Variants in NLGN1 observed in about 807,000 individuals in gnomAD.
NLGN1 encodes neuroligin-1.
Under a neutral mutation model 65.5 loss-of-function variants are expected in NLGN1, and 12 were observed. The ratio of observed to expected loss-of-function variants is 0.18; its 90% confidence interval spans 0.12 to 0.30. The LOEUF is 0.30. NLGN1 is among the 10% of genes least tolerant of loss of function. NLGN1 has a pLI of 1.00. For missense variants in NLGN1, 750 were observed against 1,007.1 expected (o/e 0.74, Z 3.46); for synonymous variants, 350 against 359.5 (o/e 0.97, Z 0.30).
intron 4 of NLGN1, among the ~76,000 whole-genome samples, chr3:174,182,150 TA>T (rs1730569288): frequency 6.6e-6 from 1 of 152,106 alleles, no homozygotes; most frequent in Admixed American, 6.6e-5. Context: ...TCTTTTTTTC[TA>T]AATATATTTT....
intron 3 of NLGN1, among the ~76,000 whole-genome samples, chr3:173,793,977 C>T (rs894630864): frequency 6.6e-5 from 10 of 152,062 alleles, no homozygotes; most frequent in Admixed American, 2.6e-4. Context: ...GGCTCTTTGT[C>T]CTCATCACCC....
chr3:173,448,178 G>T (rs964847739), intron 2 of NLGN1, among the ~76,000 whole-genome samples: 12 of 152,128 alleles, frequency 7.9e-5, no homozygotes, highest in Non-Finnish European at 1.2e-4. Context: ...TGTCCATTCA[G>T]TATGATATTG....
At chr3:173,507,009 T>G (rs148096814) in intron 2 of NLGN1, among the ~76,000 whole-genome samples, 3,636 of 152,266 alleles carry the variant, frequency 0.024, 56 homozygotes, top group Middle Eastern at 0.048. Flanking sequence ...GTATTCTTTT[T>G]CGTCCTTACT....
At chr3:173,839,967 G>C (rs577216996) in intron 4 of NLGN1, among the ~76,000 whole-genome samples, 1 of 152,332 alleles carries the variant, frequency 6.6e-6, no homozygotes, top group African/African-American at 2.4e-5. Context: ...CATGCGGCTA[G>C]TGTGGTAGAT....
rs1326286305 is a variant in NLGN1 at position 173,520,162 on chromosome 3, AC to A, written c.-320-84116del. 3.3e-5 allele frequency among the ~76,000 whole-genome samples: 5 copies of A among 152,306 alleles called. No homozygotes were observed. The East Asian group carries it at 7.7e-4, about 23-fold the overall frequency. Reference sequence around the variant, plus strand: ...TGAATGTAAGTTTCCTGAAGCCTCCACAGAAGCAGGAGCTGCTATGCTTCCT... The same window carrying A: ...TGAATGTAAGTTTCCTGAAGCCTCCAAGAAGCAGGAGCTGCTATGCTTCCT... On this transcript the variant is annotated intron_variant, in intron 2 of 6. Transcript: ENST00000457714.
At chr3:173,697,997 A>C (rs1766488634) in intron 3 of NLGN1, among the ~76,000 whole-genome samples, 2 of 151,204 alleles carry the variant, frequency 1.3e-5, no homozygotes, top group African/African-American at 2.4e-5. Flanking sequence ...GATGGTAACC[A>C]GTGGCCTAAA....
rs190750306 is a variant in NLGN1 at position 173,549,833 on chromosome 3, T to C, written c.-320-54446T>C. On this transcript the variant is annotated intron_variant, in intron 2 of 6. Coordinates refer to ENST00000457714, the Ensembl canonical transcript of NLGN1. ...TAGGATTTCTTCTACGTACAAGTCA[T>C]CCAACATTGCTCACTCTATTATGGA... Among the ~76,000 whole-genome samples, 89 of 152,206 alleles carry C rather than the reference T, an allele frequency of 5.8e-4. No individual in the cohort carries two copies. The East Asian group carries it at 0.013, about 22-fold the overall frequency.
chr3:173,444,281 CTG>C (rs1156980451), intron 2 of NLGN1, among the ~76,000 whole-genome samples: 1 of 152,126 alleles, frequency 6.6e-6, no homozygotes, highest in Non-Finnish European at 1.5e-5. Flanking sequence ...CGATAGATGT[CTG>C]TGGCTCCATA....
At chr3:174,072,403 G>A (rs1740089718) in intron 4 of NLGN1, among the ~76,000 whole-genome samples, 1 of 152,156 alleles carries the variant, frequency 6.6e-6, no homozygotes, top group East Asian at 1.9e-4. Flanking sequence ...ACTAACTTTG[G>A]CATGAGGATG....
chr3:173,508,466 T>C (rs746119025), intron 2 of NLGN1, among the ~76,000 whole-genome samples: 2 of 152,200 alleles, frequency 1.3e-5, no homozygotes, highest in African/African-American at 2.4e-5. Context: ...GAGGCTTTCC[T>C]GTGTAATCTT....
intron 3 of NLGN1, among the ~76,000 whole-genome samples, chr3:173,677,990 A>G (rs908231221): frequency 6.6e-6 from 1 of 151,956 alleles, no homozygotes; most frequent in Admixed American, 6.6e-5. Context: ...TTCTGGTGCA[A>G]TTTTCTTCAG....
intron 4 of NLGN1, among the ~76,000 whole-genome samples, chr3:173,962,011 T>G (rs1044688825): frequency 6.6e-6 from 1 of 151,982 alleles, no homozygotes; most frequent in African/African-American, 2.4e-5. Flanking sequence ...GGAAAGGAGA[T>G]GAAAAAAAAC....
intron 2 of NLGN1, among the ~76,000 whole-genome samples, chr3:173,445,254 C>T (rs1446133792): frequency 8.7e-6 from 1 of 115,524 alleles, no homozygotes; most frequent in South Asian, 2.8e-4. Context: ...GGCGACAGAG[C>T]GAGACTCCGT....
chr3:173,962,621 G>C (rs942455813), intron 4 of NLGN1, among the ~76,000 whole-genome samples: 4 of 152,052 alleles, frequency 2.6e-5, no homozygotes, highest in African/African-American at 9.7e-5. Context: ...TGGAGATTTA[G>C]TTCCCAAAAT....
chr3:173,482,222 C>A (rs187758238), intron 2 of NLGN1, among the ~76,000 whole-genome samples: 1 of 151,858 alleles, frequency 6.6e-6, no homozygotes. Flanking sequence ...ATCTGTATAC[C>A]TTTCTAGTGC....
At chr3:173,785,935 T>C (rs1395203652) in intron 3 of NLGN1, among the ~76,000 whole-genome samples, 1 of 152,178 alleles carries the variant, frequency 6.6e-6, no homozygotes, top group Non-Finnish European at 1.5e-5. Context: ...CTTTTCATTT[T>C]ACTCCCCAGT....
rs146959793 is a variant in NLGN1, at chr3:174,145,526, GA to G, written c.647-129781del. ...GACTTCATCTCAAAAAAAAGAAAAA[GA>G]AAAAAAACAGATAAAATAGACAAAA... On this transcript the variant is annotated intron_variant, in intron 4 of 6. Coordinates refer to ENST00000457714, the Ensembl canonical transcript of NLGN1. Among the ~76,000 whole-genome samples, 7 of 151,040 alleles carry G rather than the reference GA, an allele frequency of 4.6e-5. No individual in the cohort carries two copies. In the South Asian group the frequency reaches 1.3e-3, roughly 27 times the overall value.
chr3:174,198,054 A>G (rs1733794289), intron 4 of NLGN1, among the ~76,000 whole-genome samples: 1 of 152,124 alleles, frequency 6.6e-6, no homozygotes, highest in Admixed American at 6.5e-5. Context: ...CACTTAGTTG[A>G]TTGTTACTAT....
chr3:174,036,637 G>A, intron 4 of NLGN1, among the ~76,000 whole-genome samples: 1 of 145,860 alleles, frequency 6.9e-6, no homozygotes, highest in South Asian at 2.2e-4. Context: ...GGGTACATGT[G>A]CAGGTTTGTT....
Sources: gnomAD v4.1 joint callset for allele counts (sites outside exome capture counted in the v4.1 genomes callset) on GRCh38, gnomAD v4.1.1 for gene constraint, MANE v1.5 for transcripts, NCBI Gene and HGNC (gene_info 2026-07-23, HGNC 2026-07-21) for gene names.